Variants in ANO3 observed in about 807,000 individuals in gnomAD.
The protein encoded by ANO3 is anoctamin-3.
Under a neutral mutation model 144.8 loss-of-function variants are expected in ANO3, and 99 were observed. That is an observed-to-expected ratio of 0.68 (90% CI 0.58 to 0.81). The LOEUF (loss-of-function observed/expected upper bound fraction) is 0.81, where lower values mean the gene tolerates loss of function less well. ANO3 is among the 30% of genes least tolerant of loss of function. The pLI is 0.00. For missense variants in ANO3, 905 were observed against 1,202.2 expected (o/e 0.75, Z 3.66); for synonymous variants, 414 against 392.6 (o/e 1.05, Z -0.64).
At chr11:26,493,508 G>A (rs1236367274) in intron 4 of ANO3, among the ~76,000 whole-genome samples, 1 of 152,192 alleles carries the variant, frequency 6.6e-6, no homozygotes, top group South Asian at 2.1e-4. Context: ...ATGCACATCA[G>A]TCCATCAGCA....
chr11:26,381,470 G>A (rs1298847768), intron 1 of ANO3, among the ~76,000 whole-genome samples: 1 of 152,054 alleles, frequency 6.6e-6, no homozygotes, highest in Non-Finnish European at 1.5e-5. Flanking sequence ...TTTCTAAACA[G>A]CATTTACATT....
At chr11:26,417,032 T>C (rs1030908627) in intron 1 of ANO3, among the ~76,000 whole-genome samples, 6 of 152,082 alleles carry the variant, frequency 3.9e-5, no homozygotes, top group Admixed American at 1.3e-4. Flanking sequence ...AAAAATATAC[T>C]AGAGTTTATA....
At chr11:26,293,128 A>G (rs1853998253) in intron 1 of ANO3, among the ~76,000 whole-genome samples, 1 of 152,194 alleles carries the variant, frequency 6.6e-6, no homozygotes, top group Non-Finnish European at 1.5e-5. Context: ...AATATATTTA[A>G]TACCCATTTT....
chr11:26,246,061 T>C (rs548136248), intron 1 of ANO3, among the ~76,000 whole-genome samples: 2 of 152,254 alleles, frequency 1.3e-5, no homozygotes, highest in South Asian at 4.1e-4. Flanking sequence ...AACACCTTCA[T>C]TCTGTGATCT....
At chr11:26,233,181 C>T (rs1228891697) in intron 1 of ANO3, among the ~76,000 whole-genome samples, 3 of 149,984 alleles carry the variant, frequency 2.0e-5, no homozygotes, top group African/African-American at 7.4e-5. Flanking sequence ...TGCGCCACTG[C>T]ACTCCAGCCT....
rs538386495 is a variant in ANO3 at position 26,281,570 on chromosome 11, A to G, written c.155-28075A>G. On this transcript the variant is annotated intron_variant, in intron 1 of 27. Transcript: ENST00000672621. ...AGTTAATTATGCAAAATAAATTTTGACCCCACCCTAGGAATTTCTATTTGT... is the reference window on the plus strand; with the variant it reads ...AGTTAATTATGCAAAATAAATTTTGGCCCCACCCTAGGAATTTCTATTTGT... Among the ~76,000 whole-genome samples the G allele has an allele frequency of 9.2e-5, 14 of 152,206 alleles. No homozygotes were observed. The East Asian group carries it at 2.7e-3, about 29-fold the overall frequency.
chr11:26,207,824 A>G (rs1012384212), intron 1 of ANO3, among the ~76,000 whole-genome samples: 3 of 152,188 alleles, frequency 2.0e-5, no homozygotes, highest in African/African-American at 7.2e-5. Context: ...ATCCTTTAAA[A>G]TAGTATGTAA....
chr11:26,356,643 A>G (rs1168392838), intron 1 of ANO3, among the ~76,000 whole-genome samples: 2 of 152,212 alleles, frequency 1.3e-5, no homozygotes, highest in African/African-American at 4.8e-5. Context: ...GCAAGAAACT[A>G]CCACAAATTA....
chr11:26,634,662 C>T (rs1852893026), intron 19 of ANO3, among the ~76,000 whole-genome samples: 1 of 152,128 alleles, frequency 6.6e-6, no homozygotes, highest in Middle Eastern at 3.2e-3. Flanking sequence ...CTTAACACTC[C>T]ATCCAATGCC....
At chr11:26,191,920 T>G (rs1851486030) in intron 1 of ANO3, among the ~76,000 whole-genome samples, 1 of 152,180 alleles carries the variant, frequency 6.6e-6, no homozygotes, top group African/African-American at 2.4e-5. Flanking sequence ...ATGACTTTTA[T>G]TAGACTATGT....
rs188726192 is a variant in ANO3, at chr11:26,471,715, T to C, written c.432+8567T>C. On this transcript the variant is annotated intron_variant, in intron 4 of 26. Coordinates refer to ENST00000256737, the MANE Select transcript of ANO3 (RefSeq NM_031418.4). The stretch of plus-strand genomic sequence containing the variant: ...ATTTACCTGAGAGAATGAAATTAGG[T>C]GAGAGATGGATTTGTTGGGGTAGAT... Among the ~76,000 whole-genome samples, 3 of 151,872 alleles carry C rather than the reference T, an allele frequency of 2.0e-5. No homozygotes were observed. The East Asian group carries it at 5.9e-4, about 30-fold the overall frequency.
intron 1 of ANO3, among the ~76,000 whole-genome samples, chr11:26,361,671 T>C (rs1381183): frequency 0.54 from 82,528 of 151,982 alleles, 23,407 homozygotes; most frequent in East Asian, 0.68. Flanking sequence ...GAAAATATTG[T>C]TCCAATTACT....
chr11:26,416,503 T>C (rs1051858367), intron 1 of ANO3, among the ~76,000 whole-genome samples: 4 of 151,766 alleles, frequency 2.6e-5, no homozygotes, highest in African/African-American at 9.7e-5. Flanking sequence ...CTTGGCTCAC[T>C]GCAACCTCCT....
chr11:26,660,348 G>A lies in ANO3; in HGVS notation c.2850G>A (p.Lys950=), dbSNP rs1306902196. ...KGLHDRIRRE[K]YLVQEMMYEA... is the part of the protein sequence containing the mutation. The stretch of plus-strand genomic sequence containing the variant: ...TACATGACCGAATACGACGAGAGAA[G>A]TACTTAGTTCAAGAAATGATGTATG... The change falls in exon 27 of 27, where the codon AAG becomes AAA. Residue 950 remains lysine, a synonymous_variant. Transcript: ENST00000256737. The A allele has an allele frequency of 1.2e-6, 2 of 1,613,546 alleles. No individual in the cohort carries two copies. The highest frequency in any genetic ancestry group is 1.7e-6 in the Non-Finnish European group (2 of 1,179,674).
At chr11:26,484,406 G>T (rs1319508447) in intron 4 of ANO3, among the ~76,000 whole-genome samples, 3 of 152,146 alleles carry the variant, frequency 2.0e-5, no homozygotes, top group African/African-American at 7.2e-5. Flanking sequence ...TCAGGCCACT[G>T]CTCCAGCAGG....
At position 26,554,332 on chromosome 11, in the gene ANO3, T is replaced by C. The variant is rs1389571061; in HGVS notation, c.1386+987T>C. On this transcript the variant is annotated intron_variant, in intron 13 of 26. Coordinates refer to ENST00000256737, the MANE Select transcript of ANO3 (RefSeq NM_031418.4). Reference sequence around the variant, plus strand: ...TGTTTGTTTATTTCTTTACCTATTATCAAAATTTTGGATTGTTTCAAATTG... The same window carrying C: ...TGTTTGTTTATTTCTTTACCTATTACCAAAATTTTGGATTGTTTCAAATTG... 5.3e-5 allele frequency among the ~76,000 whole-genome samples: 8 copies of C among 152,244 alleles called. 1 individual carries two copies. The highest frequency in any genetic ancestry group is 1.9e-4 in the African/African-American group (8 of 41,552).
chr11:26,521,376 G>C (rs903824485), intron 6 of ANO3, among the ~76,000 whole-genome samples: 1 of 152,122 alleles, frequency 6.6e-6, no homozygotes, highest in Non-Finnish European at 1.5e-5. Flanking sequence ...ATTTAACGAA[G>C]TTACAAGATT....
intron 5 of ANO3, among the ~76,000 whole-genome samples, chr11:26,514,361 G>GA (rs1312980899): frequency 6.6e-6 from 1 of 151,902 alleles, no homozygotes; most frequent in Non-Finnish European, 1.5e-5. Flanking sequence ...TGTCAACTGA[G>GA]AAAAAAACAT....
intron 4 of ANO3, among the ~76,000 whole-genome samples, chr11:26,486,099 C>G (rs1483259010): frequency 6.6e-6 from 1 of 152,044 alleles, no homozygotes; most frequent in Non-Finnish European, 1.5e-5. Context: ...CGCGATGGCT[C>G]ATGCCTGTAA....
Sources: allele counts gnomAD v4.1 joint callset (sites outside exome capture counted in the v4.1 genomes callset), GRCh38; gene constraint gnomAD v4.1.1; transcripts MANE v1.5; gene names NCBI Gene and HGNC (gene_info 2026-07-23, HGNC 2026-07-21).